The following FBXW10B variants were observed in gnomAD, a reference collection of about 807,000 sequenced individuals.
The protein encoded by FBXW10B is F-box and WD repeat domain containing protein 10B.
At chr17:15,615,391 G>A in the FBXW10B span, among the ~76,000 whole-genome samples, 11 of 135,272 alleles carry the variant, frequency 8.1e-5, no homozygotes, top group Admixed American at 2.5e-4. Context: ...GCATGATCTC[G>A]GCTCACTGCA....
chr17:15,612,921 C>G, the FBXW10B span: 115 of 1,476,050 alleles, frequency 7.8e-5, no homozygotes, highest in African/African-American at 1.4e-3. Flanking sequence ...TTGGCAAAAT[C>G]TGAAGGATGG....
At chr17:15,607,028 G>A in the FBXW10B span, among the ~76,000 whole-genome samples, 5 of 151,984 alleles carry the variant, frequency 3.3e-5, no homozygotes, top group East Asian at 3.9e-4. Context: ...TTATAAATAC[G>A]ATTGTCATAT....
the FBXW10B span, among the ~76,000 whole-genome samples, chr17:15,607,013 T>A: frequency 6.6e-6 from 1 of 152,132 alleles, no homozygotes; most frequent in African/African-American, 2.4e-5. Context: ...TGTCAGAGTA[T>A]GCAATTATAA....
At chr17:15,596,560 C>T in the FBXW10B span, 16 of 1,611,116 alleles carry the variant, frequency 9.9e-6, no homozygotes, top group South Asian at 4.4e-5. Context: ...CACCAGCCCT[C>T]GCTCACAGCT....
the FBXW10B span, chr17:15,574,067 G>A: frequency 2.3e-5 from 16 of 695,564 alleles, no homozygotes; most frequent in Non-Finnish European, 1.8e-5. Flanking sequence ...GGAATGTCTC[G>A]TCTTCTTCAT....
the FBXW10B span, chr17:15,612,926 G>A: frequency 6.9e-7 from 1 of 1,452,690 alleles, no homozygotes; most frequent in Non-Finnish European, 9.2e-7. Flanking sequence ...AAAATCTGAA[G>A]GATGGGTAAG....
chr17:15,619,552 G>T, the FBXW10B span: 3 of 1,591,018 alleles, frequency 1.9e-6, no homozygotes, highest in Admixed American at 1.7e-5. Flanking sequence ...CTGCGCACTT[G>T]CAACGGCAAC....
At chr17:15,598,442 C>G in the FBXW10B span, 1 of 1,606,766 alleles carries the variant, frequency 6.2e-7, no homozygotes, top group Non-Finnish European at 8.5e-7. Flanking sequence ...TAAATGAGTG[C>G]CTGCCTATAG....
the FBXW10B span, among the ~76,000 whole-genome samples, chr17:15,590,096 G>A: frequency 9.3e-5 from 14 of 150,630 alleles, no homozygotes; most frequent in South Asian, 6.3e-4. Flanking sequence ...TGGGGAGCCC[G>A]ACCCCACCGC....
At chr17:15,570,246 C>T in the FBXW10B span, among the ~76,000 whole-genome samples, 5 of 152,116 alleles carry the variant, frequency 3.3e-5, no homozygotes, top group Admixed American at 2.0e-4. Context: ...GAAGGCCATT[C>T]GGACAGGAGT....
At chr17:15,607,758 C>T in the FBXW10B span, 87 of 1,371,936 alleles carry the variant, frequency 6.3e-5, no homozygotes, top group Non-Finnish European at 8.1e-5. Flanking sequence ...CCTAGGGTCT[C>T]CCTGGTAAGG....
At chr17:15,616,031 G>A in the FBXW10B span, among the ~76,000 whole-genome samples, 9 of 152,042 alleles carry the variant, frequency 5.9e-5, no homozygotes, top group East Asian at 1.9e-4. Flanking sequence ...AAAATGTCTC[G>A]AGTTGTTTAT....
chr17:15,571,167 G>A, the FBXW10B span, among the ~76,000 whole-genome samples: 3 of 152,208 alleles, frequency 2.0e-5, no homozygotes, highest in Admixed American at 1.3e-4. Flanking sequence ...GCAATATAGT[G>A]AGACCTCATC....
At chr17:15,590,873 A>G in the FBXW10B span, among the ~76,000 whole-genome samples, 110 of 152,258 alleles carry the variant, frequency 7.2e-4, no homozygotes, top group African/African-American at 2.1e-3. Flanking sequence ...CCCTGGCAGG[A>G]GTGCCTGAAC....
the FBXW10B span, among the ~76,000 whole-genome samples, chr17:15,597,463 T>TAAAAA: frequency 8.2e-6 from 1 of 121,254 alleles, no homozygotes; most frequent in African/African-American, 3.1e-5. Context: ...CCGTCTCTAC[T>TAAAAA]AAAAAAAAAA....
At chr17:15,594,923 G>A in the FBXW10B span, 24 of 1,611,586 alleles carry the variant, frequency 1.5e-5, no homozygotes, top group East Asian at 2.2e-5. Flanking sequence ...CTTCAACTCA[G>A]ACTGTGACTC....
At chr17:15,598,457 G>C in the FBXW10B span, 1 of 1,610,490 alleles carries the variant, frequency 6.2e-7, no homozygotes, top group Non-Finnish European at 8.5e-7. Context: ...CTATAGAAAT[G>C]AGCAAAACAA....
the FBXW10B span, among the ~76,000 whole-genome samples, chr17:15,610,019 C>A: frequency 8.6e-5 from 13 of 151,866 alleles, no homozygotes; most frequent in Non-Finnish European, 1.3e-4. Context: ...CACCACCATG[C>A]CTGGCTAATT....
the FBXW10B span, among the ~76,000 whole-genome samples, chr17:15,595,126 G>A: frequency 6.6e-6 from 1 of 152,218 alleles, no homozygotes; most frequent in Admixed American, 6.5e-5. Flanking sequence ...CGGATCACAA[G>A]GTCAGGATAT....
Sources: allele counts gnomAD v4.1 joint callset (sites outside exome capture counted in the v4.1 genomes callset), GRCh38; gene constraint gnomAD v4.1.1; transcripts MANE v1.5; gene names NCBI Gene and HGNC (gene_info 2026-07-23, HGNC 2026-07-21).